SEC24D: variants seen among roughly 807,000 people sequenced by gnomAD.
SEC24D encodes protein transport protein Sec24D.
SEC24D carries 69 observed loss-of-function variants against 116.9 expected under a neutral mutation model. The ratio of observed to expected loss-of-function variants is 0.59; its 90% CI spans 0.49 to 0.72. SEC24D has a LOEUF of 0.72. Ranked by LOEUF, SEC24D falls within the 30% of genes least tolerant of loss-of-function variation. SEC24D has a pLI of 0.00. For missense variants in SEC24D, 1,131 were observed against 1,264.1 expected, an observed-to-expected ratio of 0.89 and a Z score of 1.60; for synonymous variants, 405 against 442.8, an observed-to-expected ratio of 0.91 and a Z score of 1.07.
At chr4:118,750,474 A>C (rs889822823) in intron 13 of SEC24D, among the ~76,000 whole-genome samples, 1 of 152,170 alleles carries the variant, frequency 6.6e-6, no homozygotes, top group Non-Finnish European at 1.5e-5. Flanking sequence ...CAACTCTACT[A>C]TGCTCTCTTA....
At chr4:118,734,778 T>C (rs2110434171) in intron 19 of SEC24D, among the ~76,000 whole-genome samples, 1 of 152,326 alleles carries the variant, frequency 6.6e-6, no homozygotes, top group Middle Eastern at 3.4e-3. Flanking sequence ...CAGTTAAATA[T>C]ATGTTTATTC....
At chr4:118,737,495 C>T (rs1726019859) in intron 19 of SEC24D, among the ~76,000 whole-genome samples, 1 of 152,104 alleles carries the variant, frequency 6.6e-6, no homozygotes, top group Non-Finnish European at 1.5e-5. Flanking sequence ...TTAGGTGGGG[C>T]TTCAGATGTC....
intron 8 of SEC24D, among the ~76,000 whole-genome samples, chr4:118,777,326 T>G (rs1728182675): frequency 6.6e-6 from 1 of 152,194 alleles, no homozygotes; most frequent in Admixed American, 6.5e-5. Context: ...CCAAGTGTTC[T>G]CATTGTTCAA....
At chr4:118,816,472 T>C (rs1730152928) in intron 4 of SEC24D, among the ~76,000 whole-genome samples, 1 of 152,110 alleles carries the variant, frequency 6.6e-6, no homozygotes, top group Non-Finnish European at 1.5e-5. Context: ...CAGAATTAGG[T>C]AGAAATAACC....
intron 6 of SEC24D, among the ~76,000 whole-genome samples, chr4:118,806,716 G>A (rs1729694355): frequency 6.6e-6 from 1 of 152,110 alleles, no homozygotes; most frequent in South Asian, 2.1e-4. Flanking sequence ...TGGCACAATG[G>A]CTCATGTCTG....
intron 3 of SEC24D, among the ~76,000 whole-genome samples, chr4:118,819,403 C>A (rs1228652054): frequency 6.6e-6 from 1 of 151,414 alleles, no homozygotes; most frequent in Non-Finnish European, 1.5e-5. Context: ...TGGTGGTGGG[C>A]GCCTGTAGTC....
chr4:118,744,362 C>T (rs1384153737), intron 14 of SEC24D, among the ~76,000 whole-genome samples: 1 of 152,102 alleles, frequency 6.6e-6, no homozygotes, highest in Non-Finnish European at 1.5e-5. Flanking sequence ...GTGCCAGGTC[C>T]GTGCTGTGTG....
intron 2 of SEC24D, among the ~76,000 whole-genome samples, chr4:118,828,191 C>T (rs745732376): frequency 2.1e-4 from 32 of 152,018 alleles, no homozygotes; most frequent in Non-Finnish European, 4.0e-4. Context: ...TCACTGCAAG[C>T]TCCGCCTCCC....
chr4:118,730,004 G>T (rs1395952341), intron 21 of SEC24D: 1 of 152,188 alleles, frequency 6.6e-6, no homozygotes, highest in East Asian at 1.9e-4. Context: ...CTTACATTTG[G>T]TTTTTAACTT....
At chr4:118,797,286 G>A (rs1216460473) in intron 8 of SEC24D, among the ~76,000 whole-genome samples, 1 of 152,228 alleles carries the variant, frequency 6.6e-6, no homozygotes, top group Non-Finnish European at 1.5e-5. Context: ...TAAAGCAGAT[G>A]TAGTAAGATC....
intron 8 of SEC24D, among the ~76,000 whole-genome samples, chr4:118,786,811 A>G (rs2110492858): frequency 6.6e-6 from 1 of 152,324 alleles, no homozygotes; most frequent in South Asian, 2.1e-4. Flanking sequence ...GAGGCAATCT[A>G]GTGACTAGGG....
chr4:118,734,879 G>C (rs531010555), intron 19 of SEC24D, among the ~76,000 whole-genome samples: 1 of 152,224 alleles, frequency 6.6e-6, no homozygotes, highest in Admixed American at 6.5e-5. Flanking sequence ...TCTCAGCCAA[G>C]GAAAACTATG....
chr4:118,810,831 G>A (rs553873646), intron 6 of SEC24D, among the ~76,000 whole-genome samples: 1 of 152,252 alleles, frequency 6.6e-6, no homozygotes, highest in African/African-American at 2.4e-5. Flanking sequence ...CAAAGACTAA[G>A]CCTTAGGACA....
chr4:118,779,393 G>A (rs1172241312), intron 8 of SEC24D, among the ~76,000 whole-genome samples: 1 of 152,174 alleles, frequency 6.6e-6, no homozygotes, highest in East Asian at 1.9e-4. Flanking sequence ...CTGTTTATGT[G>A]ATGGATTACA....
Position 118,767,668 on chromosome 4 carries a change from C to A in SEC24D, c.1180+505G>T, listed in dbSNP as rs180824739. Among the ~76,000 whole-genome samples, 12 of 152,168 alleles carry A rather than the reference C, an allele frequency of 7.9e-5. No individual in the cohort carries two copies. In the East Asian group the frequency reaches 2.3e-3, roughly 29 times the overall value. On this transcript the variant is annotated intron_variant, in intron 9 of 22. Transcript: ENST00000280551. Reference sequence around the variant, plus strand: ...AAAATATAATGAATACGGGAAAGCCCTTTTTAATAATGTTCCTTCCTCCTT... The same window carrying A: ...AAAATATAATGAATACGGGAAAGCCATTTTTAATAATGTTCCTTCCTCCTT...
chr4:118,750,077 C>G (rs1001163287), intron 13 of SEC24D, among the ~76,000 whole-genome samples: 7 of 152,016 alleles, frequency 4.6e-5, no homozygotes, highest in Non-Finnish European at 1.0e-4. Context: ...AATAAAATTG[C>G]AAATATAACA....
intron 11 of SEC24D, among the ~76,000 whole-genome samples, chr4:118,755,713 G>C (rs543674619): frequency 2.6e-5 from 4 of 152,238 alleles, no homozygotes; most frequent in Non-Finnish European, 5.9e-5. Context: ...TGTTTGGCAA[G>C]TAGATCAAAT....
chr4:118,830,081 T>A (rs933541104), intron 2 of SEC24D, among the ~76,000 whole-genome samples: 1 of 152,202 alleles, frequency 6.6e-6, no homozygotes, highest in African/African-American at 2.4e-5. Context: ...ATCAGAGATA[T>A]AAGAGCTGGA....
In SEC24D at chr4:118,817,380, G is replaced by A. The variant is rs759807634; in HGVS notation, c.281C>T (p.Ala94Val). 6.2e-7 allele frequency: 1 copy of A among 1,612,068 alleles called. No individual in the cohort carries two copies. The highest frequency in any genetic ancestry group is 2.2e-5 in the East Asian group (1 of 44,744). The change falls in exon 4 of 23, where the codon GCA (alanine) becomes GTA (valine). Residue 94 changes from alanine (A) to valine (V), a missense_variant. Physicochemically the swap from Ala to Val is moderately conservative, Grantham distance 64. Transcript: ENST00000280551. The part of the protein sequence containing the change: ...FPGPPPVNNV[A>V]SSHAPYQPSA... ...GGGTTGGTATGGTGCATGTGAGGATGCCACATTGTTGACAGGTGGAGGGCC... is the reference window on the plus strand; with the variant it reads ...GGGTTGGTATGGTGCATGTGAGGATACCACATTGTTGACAGGTGGAGGGCC...
Sources: gnomAD v4.1 joint callset for allele counts (sites outside exome capture counted in the v4.1 genomes callset) on GRCh38, gnomAD v4.1.1 for gene constraint, MANE v1.5 for transcripts, NCBI Gene and HGNC (gene_info 2026-07-23, HGNC 2026-07-21) for gene names.